ZFAT: variants seen among roughly 807,000 people sequenced by gnomAD.
The protein encoded by ZFAT is zinc finger protein ZFAT.
Under a neutral mutation model 117.7 loss-of-function variants are expected in ZFAT, and 64 were observed. The ratio of observed to expected loss-of-function variants is 0.54; its 90% CI spans 0.44 to 0.67. The LOEUF (loss-of-function observed/expected upper bound fraction) is 0.67. Among genes scored for constraint, ZFAT ranks in the 30% least tolerant of loss-of-function variants. The pLI is 0.00. For missense variants in ZFAT, 1,433 were observed against 1,584.5 expected (o/e 0.90, Z 1.62); for synonymous variants, 679 against 615.0 (o/e 1.10, Z -1.54).
rs559022305 is a variant in ZFAT, at chr8:134,494,331, C to T, written c.3492+15288G>A. On this transcript the variant is annotated intron_variant, in intron 15 of 15. Coordinates refer to ENST00000377838, the MANE Select transcript of ZFAT (RefSeq NM_020863.4). ...CCCCCGTGACCATCCTTGCAGGCCC[C>T]GGCCTTTCTCTTTGCTGGTGGCTTT... Among the ~76,000 whole-genome samples the T allele has an allele frequency of 3.3e-5, 5 of 152,152 alleles. No individual in the cohort carries two copies. In the East Asian group the frequency reaches 5.8e-4, roughly 18 times the overall value.
At chr8:134,596,773 T>C (rs1165222811) in intron 7 of ZFAT, among the ~76,000 whole-genome samples, 1 of 152,160 alleles carries the variant, frequency 6.6e-6, no homozygotes, top group Non-Finnish European at 1.5e-5. Context: ...GTATTGAATA[T>C]ACACATTTTA....
At chr8:134,627,165 G>T (rs1829574697) in intron 3 of ZFAT, among the ~76,000 whole-genome samples, 1 of 152,220 alleles carries the variant, frequency 6.6e-6, no homozygotes, top group Admixed American at 6.5e-5. Flanking sequence ...GCAGGAAGCA[G>T]CCTGACCCCA....
chr8:134,510,121 A>C (rs2289547), intron 14 of ZFAT: 8 of 459,324 alleles, frequency 1.7e-5, no homozygotes, highest in Non-Finnish European at 1.7e-5. Flanking sequence ...TCCTGGGAGC[A>C]CCCAGCAAGC....
At chr8:134,700,091 A>G (rs1021563312) in intron 1 of ZFAT, among the ~76,000 whole-genome samples, 1 of 152,162 alleles carries the variant, frequency 6.6e-6, no homozygotes, top group African/African-American at 2.4e-5. Context: ...TCTCAAGATC[A>G]CCTCAAAAAC....
At chr8:134,761,517 T>C in the ZFAT span, among the ~76,000 whole-genome samples, 10 of 150,068 alleles carry the variant, frequency 6.7e-5, no homozygotes, top group East Asian at 2.0e-3. Context: ...CTGGCCAACA[T>C]GGTGAAACCC....
chr8:134,657,052 G>A (rs1182453061), intron 2 of ZFAT, among the ~76,000 whole-genome samples: 1 of 152,198 alleles, frequency 6.6e-6, no homozygotes, highest in Non-Finnish European at 1.5e-5. Flanking sequence ...AATGCTGTAA[G>A]ATTATATAGA....
chr8:134,521,372 G>A (rs1234017900), intron 12 of ZFAT, among the ~76,000 whole-genome samples: 1 of 152,092 alleles, frequency 6.6e-6, no homozygotes, highest in African/African-American at 2.4e-5. Context: ...TTTAGAAAAC[G>A]AGAACAATGG....
At chr8:134,762,016 A>C in the ZFAT span, among the ~76,000 whole-genome samples, 2 of 98,484 alleles carry the variant, frequency 2.0e-5, no homozygotes, top group Non-Finnish European at 4.1e-5. Flanking sequence ...GTGTGTGCAA[A>C]TGTGTGCTTT....
chr8:134,646,843 G>T (rs1169564687), intron 2 of ZFAT, among the ~76,000 whole-genome samples: 2 of 151,820 alleles, frequency 1.3e-5, no homozygotes, highest in Admixed American at 1.3e-4. Flanking sequence ...ACCAAGACTG[G>T]ATCATAAGGA....
chr8:134,711,048 G>A (rs914620693), intron 1 of ZFAT, among the ~76,000 whole-genome samples: 2 of 152,212 alleles, frequency 1.3e-5, no homozygotes, highest in Non-Finnish European at 2.9e-5. Flanking sequence ...ATAAACAACG[G>A]CTGGCTTTAA....
At chr8:134,773,268 T>C in the ZFAT span, among the ~76,000 whole-genome samples, 10 of 152,198 alleles carry the variant, frequency 6.6e-5, no homozygotes, top group Non-Finnish European at 2.9e-5. Context: ...AATGGAACAA[T>C]GAAACCTTGA....
chr8:134,559,729 GA>G (rs1412639713), intron 11 of ZFAT, among the ~76,000 whole-genome samples: 1 of 152,084 alleles, frequency 6.6e-6, no homozygotes, highest in Non-Finnish European at 1.5e-5. Flanking sequence ...TCTGATAAGT[GA>G]AAAATGGTAT....
intron 15 of ZFAT, among the ~76,000 whole-genome samples, chr8:134,506,395 T>A (rs1586604655): frequency 6.6e-6 from 1 of 152,234 alleles, no homozygotes; most frequent in East Asian, 1.9e-4. Context: ...CTATTTTTAA[T>A]GCCAACACTC....
In ZFAT at chr8:134,701,175, G is replaced by A. The variant is rs538523544; in HGVS notation, c.19+11670C>T. 3.9e-5 allele frequency among the ~76,000 whole-genome samples: 6 copies of A among 152,080 alleles called. 1 individual carries two copies. Among genetic ancestry groups the A allele is most frequent in the South Asian group, 4.2e-4 (2 of 4,818 alleles). ...TCTATGTCCATTAAACACTAACTCC[G>A]GATGCCTCCTCCCCCAGCTCCTGGC... On this transcript the variant is annotated intron_variant, in intron 1 of 15. Transcript: ENST00000377838.
chr8:134,571,873 T>TTA (rs1824938566), intron 10 of ZFAT, among the ~76,000 whole-genome samples: 1 of 152,236 alleles, frequency 6.6e-6, no homozygotes. Context: ...GGACACTTTC[T>TTA]TATTTCTGGT....
At chr8:134,603,074 C>T (rs1424753059) in intron 5 of ZFAT, 141 bp from the exon 6 acceptor site, 14 of 1,163,026 alleles carry the variant, frequency 1.2e-5, no homozygotes, top group Non-Finnish European at 1.7e-5. Context: ...GTCACTCACT[C>T]AACAAACAGG....
chr8:134,800,502 A>G, the ZFAT span: 4 of 501,290 alleles, frequency 8.0e-6, no homozygotes, highest in African/African-American at 3.9e-5. Flanking sequence ...TCTTTTATCA[A>G]TGTTAATTGG....
At chr8:134,519,648 T>C (rs1219451311) in intron 13 of ZFAT, among the ~76,000 whole-genome samples, 2 of 152,248 alleles carry the variant, frequency 1.3e-5, no homozygotes, top group South Asian at 2.1e-4. Flanking sequence ...TTTTTATTTC[T>C]TTCCTTCCAG....
intron 2 of ZFAT, among the ~76,000 whole-genome samples, chr8:134,643,823 G>C (rs1204836212): frequency 6.6e-6 from 1 of 152,208 alleles, no homozygotes; most frequent in Non-Finnish European, 1.5e-5. Flanking sequence ...GTCCCTATGT[G>C]CCAGCCAAGG....
Sources: gnomAD v4.1 joint callset for allele counts (sites outside exome capture counted in the v4.1 genomes callset) on GRCh38, gnomAD v4.1.1 for gene constraint, MANE v1.5 for transcripts, NCBI Gene and HGNC (gene_info 2026-07-23, HGNC 2026-07-21) for gene names.